Variants in EXOC6 observed in about 807,000 individuals in gnomAD.
EXOC6 encodes exocyst complex component 6.
A neutral mutation model predicts 112.5 loss-of-function variants in EXOC6; 60 were observed. The observed-to-expected ratio is 0.53, with a 90% CI of 0.43 to 0.66. The LOEUF is 0.66. Among genes scored for constraint, EXOC6 ranks in the 30% least tolerant of loss-of-function variants. The pLI, the probability that EXOC6 is intolerant of heterozygous loss-of-function variation, is 0.00. For synonymous variants in EXOC6, 295 were observed against 308.0 expected (o/e 0.96, Z 0.44); for missense variants, 855 against 957.1 (o/e 0.89, Z 1.41).
In EXOC6 at chr10:92,899,595, G is replaced by T; in HGVS notation, c.413-4G>T. ...AAGCTAAAATGTTATATTTTTTAAT[G>T]CAGTGCTAGAAATGTACAGTAAGCT... On this transcript the variant is annotated splice_polypyrimidine_tract_variant and splice_region_variant and intron_variant, in intron 4 of 21. Transcript: ENST00000260762. 1 of 1,574,238 alleles carries T rather than the reference G, an allele frequency of 6.4e-7. No homozygotes were observed. The highest frequency in any genetic ancestry group is 1.2e-5 in the South Asian group (1 of 83,460).
chr10:92,933,557 A>T (rs1004902192), intron 9 of EXOC6, among the ~76,000 whole-genome samples: 2 of 152,212 alleles, frequency 1.3e-5, no homozygotes, highest in Non-Finnish European at 2.9e-5. Flanking sequence ...TGAAAATTTG[A>T]TCACATTCAT....
chr10:92,857,781 T>TTG (rs10623375), intron 1 of EXOC6, among the ~76,000 whole-genome samples: 116,276 of 151,928 alleles, frequency 0.77, 45,571 homozygotes, highest in East Asian at 1. Flanking sequence ...CTGGTGTTCT[T>TTG]TGTGTGTGTC....
At chr10:92,846,657 C>T (rs1847064267), upstream of EXOC6, among the ~76,000 whole-genome samples, 1 of 152,202 alleles carries the variant, frequency 6.6e-6, no homozygotes, top group Non-Finnish European at 1.5e-5. Context: ...GAATCCATTG[C>T]TCTGAAGATT....
chr10:92,954,602 G>A, intron 15 of EXOC6, 28 bp from the exon 16 acceptor site: 1 of 1,121,046 alleles, frequency 8.9e-7, no homozygotes, highest in Non-Finnish European at 1.3e-6. Context: ...TATTTATTAA[G>A]TTTAATAATA....
chr10:92,995,977 GTTCT>G (rs1843465668), intron 18 of EXOC6, among the ~76,000 whole-genome samples: 1 of 152,096 alleles, frequency 6.6e-6, no homozygotes, highest in South Asian at 2.1e-4. Context: ...ATGTATTTAT[GTTCT>G]TTATTACCTT....
At position 93,003,250 on chromosome 10, in the gene EXOC6, A is replaced by G. The variant is rs115854807; in HGVS notation, c.2095+5635A>G. Among the ~76,000 whole-genome samples the G allele has an allele frequency of 3.7e-3, 556 of 152,294 alleles. 4 individuals carry two copies. The highest frequency in any genetic ancestry group is 0.013 in the African/African-American group (530 of 41,570). ...GTATTTCCTCAGCCTCAAAATGTCAATCTGCAGGTAGAAACAAATAGCACA... is the reference window on the plus strand; with the variant it reads ...GTATTTCCTCAGCCTCAAAATGTCAGTCTGCAGGTAGAAACAAATAGCACA... On this transcript the variant is annotated intron_variant, in intron 19 of 21. Coordinates refer to ENST00000260762, the MANE Select transcript of EXOC6 (RefSeq NM_019053.6).
At chr10:92,947,502 CATT>C (rs1186537461) in intron 13 of EXOC6, among the ~76,000 whole-genome samples, 1 of 152,208 alleles carries the variant, frequency 6.6e-6, no homozygotes, top group Non-Finnish European at 1.5e-5. Flanking sequence ...CTAATCATGA[CATT>C]ATGAGAGGCT....
intron 18 of EXOC6, 131 bp downstream of exon 18, chr10:92,974,363 A>G: frequency 1.9e-6 from 1 of 523,570 alleles, no homozygotes; most frequent in South Asian, 3.8e-5. Context: ...TTATAAATCC[A>G]TTTGTAAGGA....
chr10:92,873,265 A>G (rs182450727), intron 1 of EXOC6, among the ~76,000 whole-genome samples: 1 of 152,296 alleles, frequency 6.6e-6, no homozygotes, highest in East Asian at 1.9e-4. Context: ...ACCATGGAGG[A>G]TGTTCATTAA....
intron 17 of EXOC6, among the ~76,000 whole-genome samples, chr10:92,969,161 C>T (rs957376331): frequency 4.6e-5 from 7 of 152,080 alleles, no homozygotes; most frequent in Admixed American, 1.3e-4. Context: ...TTATTCCAAG[C>T]ATGGAGCACA....
At chr10:93,014,070 C>T (rs3736937) in intron 19 of EXOC6, 124 bp from the exon 20 acceptor site, 2 of 699,264 alleles carry the variant, frequency 2.9e-6, no homozygotes, top group African/African-American at 3.6e-5. Context: ...AAATAATCTT[C>T]ATTTGAAATG....
intron 20 of EXOC6, among the ~76,000 whole-genome samples, chr10:93,024,652 A>C (rs968287570): frequency 6.6e-6 from 1 of 152,138 alleles, no homozygotes; most frequent in African/African-American, 2.4e-5. Flanking sequence ...TCCTGACCTC[A>C]GGTGATCCAC....
At chr10:92,827,586 A>T (rs192584361) in intron 1 of EXOC6, among the ~76,000 whole-genome samples, 1 of 150,292 alleles carries the variant, frequency 6.7e-6, no homozygotes, top group African/African-American at 2.4e-5. Context: ...TTCAGCTTAC[A>T]CTATCAGATT....
upstream of EXOC6, chr10:92,831,428 ATT>A: frequency 4.8e-6 from 4 of 826,178 alleles, no homozygotes; most frequent in Admixed American, 3.2e-5. Context: ...ACTATATTCT[ATT>A]TTTTTTTTAT....
At chr10:92,962,961 T>TAA (rs1854098675) in intron 17 of EXOC6, among the ~76,000 whole-genome samples, 1 of 152,184 alleles carries the variant, frequency 6.6e-6, no homozygotes, top group African/African-American at 2.4e-5. Flanking sequence ...CTTATTCTTG[T>TAA]TACCTGCCTG....
chr10:92,856,499 A>G (rs1283723663), intron 1 of EXOC6, among the ~76,000 whole-genome samples: 2 of 152,144 alleles, frequency 1.3e-5, no homozygotes, highest in African/African-American at 4.8e-5. Context: ...GTGAATTTCT[A>G]AAATGTCCTT....
chr10:93,031,235 T>G (rs138574411), intron 20 of EXOC6, among the ~76,000 whole-genome samples: 6,097 of 151,138 alleles, frequency 0.04, 173 homozygotes, highest in Non-Finnish European at 0.057. Context: ...TGATGCAACA[T>G]CATTTTTTAA....
In EXOC6 at chr10:92,954,720, ACCT is replaced by A; in HGVS notation, c.1619_1621del (p.Pro540del). The A allele has an allele frequency of 6.3e-7, 1 of 1,579,972 alleles. No individual in the cohort carries two copies. Among genetic ancestry groups the A allele is most frequent in the Non-Finnish European group, 8.7e-7 (1 of 1,151,262 alleles). ...GCTGTTTACTGAACCTTATTAGAAAACCTCATATAGGTTTGACAGAGGTAGGTT... is the reference window on the plus strand; with the variant it reads ...GCTGTTTACTGAACCTTATTAGAAAACATATAGGTTTGACAGAGGTAGGTT... On this transcript the variant is annotated inframe_deletion, in exon 16 of 22. Coordinates refer to ENST00000260762, the MANE Select transcript of EXOC6 (RefSeq NM_019053.6).
At chr10:93,057,503 A>G (rs913505463) in intron 21 of EXOC6, among the ~76,000 whole-genome samples, 2 of 152,120 alleles carry the variant, frequency 1.3e-5, no homozygotes, top group African/African-American at 4.8e-5. Context: ...AACTGAGGTA[A>G]TAGGATTTAC....
Sources: allele counts gnomAD v4.1 joint callset (sites outside exome capture counted in the v4.1 genomes callset), GRCh38; gene constraint gnomAD v4.1.1; transcripts MANE v1.5; gene names NCBI Gene and HGNC (gene_info 2026-07-23, HGNC 2026-07-21).